NELL1: variants seen among roughly 807,000 people sequenced by gnomAD.
NELL1 encodes the protein protein kinase C-binding protein NELL1.
NELL1 carries 76 observed loss-of-function variants against 107.4 expected under a neutral mutation model. That is an observed-to-expected ratio of 0.71 (90% CI 0.59 to 0.86). The LOEUF (loss-of-function observed/expected upper bound fraction) is 0.86, where lower values mean the gene tolerates loss of function less well. Among genes scored for constraint, NELL1 ranks in the 40% least tolerant of loss-of-function variants. The pLI is 0.00. For synonymous variants in NELL1, 353 were observed against 341.2 expected (o/e 1.03, Z -0.38); for missense variants, 1,024 against 1,005.5 (o/e 1.02, Z -0.25).
intron 14 of NELL1, among the ~76,000 whole-genome samples, chr11:21,351,704 C>T (rs1243152746): frequency 6.6e-6 from 1 of 152,050 alleles, no homozygotes; most frequent in African/African-American, 2.4e-5. Context: ...TTCCATCACA[C>T]TGATTGAGGG....
intron 13 of NELL1, among the ~76,000 whole-genome samples, chr11:21,223,383 C>A (rs1019152546): frequency 6.6e-6 from 1 of 151,966 alleles, no homozygotes; most frequent in Non-Finnish European, 1.5e-5. Flanking sequence ...AACATAGCTA[C>A]TTCTGCTCAC....
At chr11:20,884,033 T>G (rs1849458589) in intron 4 of NELL1, among the ~76,000 whole-genome samples, 1 of 152,226 alleles carries the variant, frequency 6.6e-6, no homozygotes, top group African/African-American at 2.4e-5. Flanking sequence ...TGATTATGTT[T>G]TGAGTGTCCA....
intron 3 of NELL1, among the ~76,000 whole-genome samples, chr11:20,812,705 T>C (rs1029468092): frequency 2.0e-5 from 3 of 151,910 alleles, no homozygotes; most frequent in Non-Finnish European, 4.4e-5. Flanking sequence ...CTTCAAATTG[T>C]ACCTAAAAGA....
intron 16 of NELL1, among the ~76,000 whole-genome samples, chr11:21,553,428 C>G (rs993334255): frequency 6.6e-6 from 1 of 151,810 alleles, no homozygotes; most frequent in Non-Finnish European, 1.5e-5. Context: ...CTAAGAAATG[C>G]ATTTGTTATC....
chr11:21,355,392 C>T (rs1407069948), intron 14 of NELL1, among the ~76,000 whole-genome samples: 2 of 152,174 alleles, frequency 1.3e-5, no homozygotes, highest in Non-Finnish European at 2.9e-5. Context: ...GGGCACTATG[C>T]CAAGTGCTTT....
intron 13 of NELL1, among the ~76,000 whole-genome samples, chr11:21,216,218 C>G (rs1791868): frequency 0.96 from 146,603 of 152,262 alleles, 70,834 homozygotes; most frequent in East Asian, 1. Context: ...GTTTGGGAAC[C>G]TCCACCTAGA....
chr11:20,991,988 ATG>A (rs1296704457), intron 12 of NELL1, among the ~76,000 whole-genome samples: 79 of 75,264 alleles, frequency 1.0e-3, no homozygotes, highest in Non-Finnish European at 1.8e-3. Flanking sequence ...CCAGTGTAGC[ATG>A]CAAAAAAAAA....
chr11:20,788,260 A>G (rs327038), intron 3 of NELL1, among the ~76,000 whole-genome samples: 7,026 of 152,288 alleles, frequency 0.046, 503 homozygotes, highest in African/African-American at 0.16. Context: ...ACTCTGTTTA[A>G]CTGTTTGAGG....
In NELL1 at chr11:21,149,546, C is replaced by T. The variant is rs958654917; in HGVS notation, c.1426+35832C>T. Among the ~76,000 whole-genome samples, 5 of 152,304 alleles carry T rather than the reference C, an allele frequency of 3.3e-5. No individual in the cohort carries two copies. The East Asian group carries it at 7.7e-4, about 24-fold the overall frequency. On this transcript the variant is annotated intron_variant, in intron 13 of 19. Transcript: ENST00000357134. ...GGAAGAGTATGGGGGAATCCCCTCC[C>T]CTGCCCCACATGATTCATTTATCTC...
intron 12 of NELL1, among the ~76,000 whole-genome samples, chr11:20,997,729 C>T (rs536183825): frequency 6.6e-6 from 1 of 152,292 alleles, no homozygotes; most frequent in South Asian, 2.1e-4. Context: ...TGGCTTACGC[C>T]TGTAATCTCA....
chr11:21,364,037 T>C (rs1235232473), intron 14 of NELL1, among the ~76,000 whole-genome samples: 1 of 152,198 alleles, frequency 6.6e-6, no homozygotes, highest in East Asian at 1.9e-4. Context: ...TCATGGAAGA[T>C]AGCACTTGTA....
chr11:21,141,911 C>T (rs1276658041), intron 13 of NELL1, among the ~76,000 whole-genome samples: 1 of 151,986 alleles, frequency 6.6e-6, no homozygotes, highest in Non-Finnish European at 1.5e-5. Context: ...TTACAGGTGC[C>T]TGCCACCATG....
intron 14 of NELL1, among the ~76,000 whole-genome samples, chr11:21,250,579 T>A (rs1216136388): frequency 6.6e-6 from 1 of 152,194 alleles, no homozygotes; most frequent in Non-Finnish European, 1.5e-5. Context: ...ATATTTTGTC[T>A]TTGGCTGATA....
intron 15 of NELL1, among the ~76,000 whole-genome samples, chr11:21,452,212 T>C (rs1435215990): frequency 2.0e-5 from 3 of 151,914 alleles, no homozygotes; most frequent in East Asian, 3.9e-4. Context: ...ATCTCTCAGG[T>C]GAGAAATTTC....
At chr11:21,461,120 C>T (rs1319641641) in intron 15 of NELL1, among the ~76,000 whole-genome samples, 1 of 151,948 alleles carries the variant, frequency 6.6e-6, no homozygotes, top group South Asian at 2.1e-4. Context: ...GTTAATAATT[C>T]CATAATTGAT....
intron 14 of NELL1, among the ~76,000 whole-genome samples, chr11:21,286,622 A>C (rs983390911): frequency 1.3e-5 from 2 of 152,212 alleles, no homozygotes; most frequent in African/African-American, 4.8e-5. Flanking sequence ...CTATTTAGCA[A>C]TGGGGGTTTA....
At chr11:20,757,903 A>T (rs1433123587) in intron 2 of NELL1, among the ~76,000 whole-genome samples, 1 of 152,162 alleles carries the variant, frequency 6.6e-6, no homozygotes, top group Non-Finnish European at 1.5e-5. Flanking sequence ...AAACAACAGA[A>T]ATTTAACAGT....
intron 14 of NELL1, among the ~76,000 whole-genome samples, chr11:21,294,951 CACA>C (rs1849343418): frequency 6.6e-6 from 1 of 152,092 alleles, no homozygotes; most frequent in Non-Finnish European, 1.5e-5. Context: ...GCCTCAATCT[CACA>C]ACTACTACAT....
chr11:21,536,289 C>T (rs1046474630), intron 16 of NELL1, among the ~76,000 whole-genome samples: 3 of 152,018 alleles, frequency 2.0e-5, no homozygotes, highest in Admixed American at 1.3e-4. Flanking sequence ...TCCTCAGTAT[C>T]TTTTGTTCCT....
Sources: allele counts gnomAD v4.1 joint callset (sites outside exome capture counted in the v4.1 genomes callset), GRCh38; gene constraint gnomAD v4.1.1; transcripts MANE v1.5; gene names NCBI Gene and HGNC (gene_info 2026-07-23, HGNC 2026-07-21).